TIMMDC1: variants seen among roughly 807,000 people sequenced by gnomAD.
TIMMDC1 encodes complex I assembly factor TIMMDC1, mitochondrial.
In TIMMDC1, 25 loss-of-function variants were observed where a neutral mutation model predicts 32.6. The ratio of observed to expected loss-of-function variants is 0.77; its 90% CI spans 0.56 to 1.07. TIMMDC1 has a LOEUF of 1.07. Among genes scored for constraint, TIMMDC1 ranks in the 50% least tolerant of loss-of-function variants. The pLI, the probability that TIMMDC1 is intolerant of heterozygous loss-of-function variation, is 0.00. For missense variants in TIMMDC1, 329 were observed against 349.2 expected (o/e 0.94, Z 0.46); for synonymous variants, 130 against 127.6 (o/e 1.02, Z -0.13).
chr3:119,513,716 TG>T lies in TIMMDC1; in HGVS notation c.596+1del, dbSNP rs752776605. 5 of 1,602,308 alleles carry T rather than the reference TG, an allele frequency of 3.1e-6. No individual in the cohort carries two copies. Among genetic ancestry groups the T allele is most frequent in the South Asian group, 1.1e-5 (1 of 88,992 alleles). ...LVAGGIIGAL[L>X]GTPVGGLLMA... ...GCTGGTGGCATAATTGGAGCCTTGC[TG>T]GGGTAAGCATTAACATGGTTTGGTT... On this transcript the variant is annotated frameshift_variant and splice_region_variant, in exon 5 of 7. Coordinates refer to ENST00000494664, the MANE Select transcript of TIMMDC1 (RefSeq NM_016589.4). LOFTEE classifies it high-confidence loss of function.
intron 4 of TIMMDC1, among the ~76,000 whole-genome samples, chr3:119,505,041 G>C (rs917759511): frequency 6.7e-6 from 1 of 148,256 alleles, no homozygotes; most frequent in African/African-American, 2.5e-5. Context: ...TCACGCCATT[G>C]CACTCCAACC....
At chr3:119,523,581 AT>A in intron 6 of TIMMDC1, 24 bp from the exon 7 acceptor site, 2 of 1,566,856 alleles carry the variant, frequency 1.3e-6, no homozygotes, top group Non-Finnish European at 1.7e-6. Flanking sequence ...GCAGTATTTG[AT>A]TTATCCTTTT....
At chr3:119,517,548 T>C (rs2081994040) in intron 6 of TIMMDC1, among the ~76,000 whole-genome samples, 1 of 152,262 alleles carries the variant, frequency 6.6e-6, no homozygotes, top group African/African-American at 2.4e-5. Context: ...TTTGGATATC[T>C]TTTTAAGTTA....
intron 4 of TIMMDC1, among the ~76,000 whole-genome samples, chr3:119,507,478 G>A (rs966499187): frequency 2.0e-5 from 3 of 152,006 alleles, no homozygotes; most frequent in Non-Finnish European, 2.9e-5. Flanking sequence ...TTGTTTTATC[G>A]CTAGCATTTC....
chr3:119,523,528 G>A (rs1352369973), intron 6 of TIMMDC1, 78 bp from the exon 7 acceptor site: 21 of 1,414,356 alleles, frequency 1.5e-5, no homozygotes, highest in Non-Finnish European at 1.9e-6. Context: ...AAAGACAAAT[G>A]CTATCCTTTT....
chr3:119,499,001 C>T, intron 1 of TIMMDC1, 74 bp downstream of exon 1: 1 of 1,365,990 alleles, frequency 7.3e-7, no homozygotes, highest in Non-Finnish European at 1.0e-6. Flanking sequence ...CAGCCTGGGT[C>T]AGCCTTAGGA....
intron 1 of TIMMDC1, 153 bp downstream of exon 1, chr3:119,499,080 T>A: frequency 1.2e-5 from 7 of 600,456 alleles, no homozygotes; most frequent in African/African-American, 3.9e-5. Context: ...CAAGCTTGTA[T>A]CTTTTTTCTT....
chr3:119,522,555 G>A (rs942580748), intron 6 of TIMMDC1, among the ~76,000 whole-genome samples: 14 of 152,172 alleles, frequency 9.2e-5, no homozygotes, highest in African/African-American at 2.7e-4. Flanking sequence ...AGCTGGAAGA[G>A]AGGATATTTG....
chr3:119,519,981 G>T (rs1181218139), intron 6 of TIMMDC1, among the ~76,000 whole-genome samples: 1 of 151,968 alleles, frequency 6.6e-6, no homozygotes, highest in Non-Finnish European at 1.5e-5. Flanking sequence ...CAAATACACA[G>T]AAATTAAATA....
chr3:119,517,613 A>G (rs2081994916), intron 6 of TIMMDC1, among the ~76,000 whole-genome samples: 1 of 152,204 alleles, frequency 6.6e-6, no homozygotes, highest in African/African-American at 2.4e-5. Flanking sequence ...TCTTAACTGC[A>G]TAGGAAATTA....
Position 119,523,982 on chromosome 3 carries a change from A to G in TIMMDC1, c.*226A>G, listed in dbSNP as rs773132491. 6.7e-5 allele frequency: 26 copies of G among 387,012 alleles called. No homozygotes were observed. Among genetic ancestry groups the G allele is most frequent in the Non-Finnish European group, 1.2e-4 (25 of 217,208 alleles). The allele number at this position is 387,012 out of a possible 1,614,324, so 24.0% of individuals were successfully genotyped here. A position where few individuals can be genotyped will look rare whatever the true frequency, so the allele number is the denominator to read the frequency against. On this transcript the variant is annotated 3_prime_UTR_variant, in exon 7 of 7. Transcript: ENST00000494664. ...AATTTAAATACATACTTATGTTTGT[A>G]TTAATCTATCAATATATGCATACAT...
chr3:119,506,245 C>G (rs2081918250), intron 4 of TIMMDC1, among the ~76,000 whole-genome samples: 1 of 152,182 alleles, frequency 6.6e-6, no homozygotes, highest in African/African-American at 2.4e-5. Context: ...GAAAACCAGG[C>G]CAGGCACAGT....
chr3:119,507,251 A>C (rs1447217438), intron 4 of TIMMDC1, among the ~76,000 whole-genome samples: 1 of 152,104 alleles, frequency 6.6e-6, no homozygotes, highest in Non-Finnish European at 1.5e-5. Flanking sequence ...CTGGTGTTCT[A>C]GTACACTTAT....
At position 119,498,702 on chromosome 3, in the gene TIMMDC1, G is replaced by A; in HGVS notation, c.-32G>A. ...TCCGCGAGGACTTGAAGTCCTGAGC[G>A]CTCAAGTTTGTCCGTAGGTCGAGAG... On this transcript the variant is annotated 5_prime_UTR_variant, in exon 1 of 7. Coordinates refer to ENST00000494664, the MANE Select transcript of TIMMDC1 (RefSeq NM_016589.4). 1 of 1,607,862 alleles carries A rather than the reference G, an allele frequency of 6.2e-7. No individual in the cohort carries two copies. The highest frequency in any genetic ancestry group is 8.5e-7 in the Non-Finnish European group (1 of 1,175,556).
chr3:119,501,373 A>T (rs1014156594), intron 2 of TIMMDC1, among the ~76,000 whole-genome samples: 2 of 152,136 alleles, frequency 1.3e-5, no homozygotes, highest in Non-Finnish European at 2.9e-5. Context: ...TTTCCTATAT[A>T]CCTTTCATCC....
intron 5 of TIMMDC1, among the ~76,000 whole-genome samples, chr3:119,514,577 G>A (rs1331411287): frequency 1.3e-5 from 2 of 152,180 alleles, no homozygotes; most frequent in Non-Finnish European, 2.9e-5. Context: ...TTAGATTAAT[G>A]TATTTTTGTC....
At chr3:119,503,821 G>A in intron 3 of TIMMDC1, 133 bp from the exon 4 acceptor site, 1 of 825,152 alleles carries the variant, frequency 1.2e-6, no homozygotes, top group Non-Finnish European at 1.9e-6. Context: ...ACACATTGAA[G>A]GGGCCTAGGC....
intron 3 of TIMMDC1, 112 bp from the exon 4 acceptor site, chr3:119,503,842 G>C (rs2081897936): frequency 1.0e-6 from 1 of 956,668 alleles, no homozygotes; most frequent in Non-Finnish European, 1.6e-6. Context: ...TAGGAACAGG[G>C]ATTGATATAG....
chr3:119,506,518 C>CAAA (rs202052248), intron 4 of TIMMDC1, among the ~76,000 whole-genome samples: 8,687 of 112,682 alleles, frequency 0.077, 542 homozygotes, highest in African/African-American at 0.19. Context: ...GACCCTGTCT[C>CAAA]AAAAAAAAAA....
Sources: gnomAD v4.1 joint callset for allele counts (sites outside exome capture counted in the v4.1 genomes callset) on GRCh38, gnomAD v4.1.1 for gene constraint, MANE v1.5 for transcripts, NCBI Gene and HGNC (gene_info 2026-07-23, HGNC 2026-07-21) for gene names.